KIRREL3: variants seen among roughly 807,000 people sequenced by gnomAD.
KIRREL3 encodes kirre like nephrin family adhesion molecule 3, also known as kin of IRRE-like protein 3.
A neutral mutation model predicts 89.7 loss-of-function variants in KIRREL3; 36 were observed. That is an observed-to-expected ratio of 0.40 (90% CI 0.31 to 0.53). The LOEUF is 0.53. Ranked by LOEUF, KIRREL3 falls within the 20% of genes least tolerant of loss-of-function variation. The pLI is 0.49. For synonymous variants in KIRREL3, 445 were observed against 441.4 expected, an observed-to-expected ratio of 1.01 and a Z score of -0.10; for missense variants, 864 against 1,056.6, an observed-to-expected ratio of 0.82 and a Z score of 2.53.
At chr11:126,698,580 A>G (rs1014323022) in intron 1 of KIRREL3, among the ~76,000 whole-genome samples, 1 of 152,220 alleles carries the variant, frequency 6.6e-6, no homozygotes, top group Non-Finnish European at 1.5e-5. Context: ...GCATCTGCTC[A>G]GGGCTATCCC....
chr11:126,929,591 C>T (rs1947855329), intron 1 of KIRREL3, among the ~76,000 whole-genome samples: 1 of 152,192 alleles, frequency 6.6e-6, no homozygotes, highest in African/African-American at 2.4e-5. Flanking sequence ...ACAGAGCCTC[C>T]TCAAGCCAGA....
intron 1 of KIRREL3, among the ~76,000 whole-genome samples, chr11:126,629,558 C>A (rs1046589501): frequency 6.6e-6 from 1 of 152,202 alleles, no homozygotes; most frequent in African/African-American, 2.4e-5. Context: ...ATGCCTTCCA[C>A]GTGCTCCTCC....
chr11:126,573,743 T>C (rs920184010), intron 1 of KIRREL3, among the ~76,000 whole-genome samples: 1 of 152,220 alleles, frequency 6.6e-6, no homozygotes, highest in Admixed American at 6.5e-5. Context: ...ATGGAGGCCC[T>C]AGCCCAATGT....
At position 126,931,673 on chromosome 11, in the gene KIRREL3, G is replaced by A. The variant is rs1431690211; in HGVS notation, c.55+68782C>T. ...CTAAATAATTTAAATATGGAATAGT[G>A]GCAGATACCCATATTCATTCTTCCT... On this transcript the variant is annotated intron_variant, in intron 1 of 16. Coordinates refer to ENST00000525144, the MANE Select transcript of KIRREL3 (RefSeq NM_032531.4). The surrounding 1 kb of genome is among the most constrained non-coding windows in gnomAD (Gnocchi z 5.1). 6.6e-6 allele frequency among the ~76,000 whole-genome samples: 1 copy of A among 152,178 alleles called. No homozygotes were observed. The highest frequency in any genetic ancestry group is 1.5e-5 in the Non-Finnish European group (1 of 68,040).
intron 3 of KIRREL3, among the ~76,000 whole-genome samples, chr11:126,524,045 C>T (rs912098986): frequency 1.3e-5 from 2 of 152,202 alleles, no homozygotes; most frequent in Non-Finnish European, 2.9e-5. Context: ...TCTCTTGCTA[C>T]TCCCAAAGGA....
chr11:126,925,873 G>A (rs531324494), intron 1 of KIRREL3, among the ~76,000 whole-genome samples: 1 of 152,308 alleles, frequency 6.6e-6, no homozygotes, highest in South Asian at 2.1e-4. Flanking sequence ...TCCTCTATCT[G>A]TGACAGTCAG....
intron 1 of KIRREL3, among the ~76,000 whole-genome samples, chr11:126,816,911 A>C (rs1032479793): frequency 6.6e-6 from 1 of 152,212 alleles, no homozygotes; most frequent in African/African-American, 2.4e-5. Context: ...CACTGCTTCT[A>C]ATCATAGACT....
At chr11:126,895,580 C>T (rs1419037881) in intron 1 of KIRREL3, among the ~76,000 whole-genome samples, 1 of 152,058 alleles carries the variant, frequency 6.6e-6, no homozygotes, top group South Asian at 2.1e-4. Flanking sequence ...CTTTGGGATT[C>T]TCCTGCCATC....
chr11:126,871,323 C>T (rs1945101169), intron 1 of KIRREL3, among the ~76,000 whole-genome samples: 1 of 152,134 alleles, frequency 6.6e-6, no homozygotes, highest in Non-Finnish European at 1.5e-5. Context: ...AAGAAGGAGG[C>T]CCTCAGCACA....
chr11:126,878,985 A>G (rs1866815368), intron 1 of KIRREL3, among the ~76,000 whole-genome samples: 1 of 152,206 alleles, frequency 6.6e-6, no homozygotes, highest in South Asian at 2.1e-4. Context: ...GTTAAATGCA[A>G]TATTAAAGAC....
At chr11:126,446,564 T>C (rs1955821635) in intron 9 of KIRREL3, among the ~76,000 whole-genome samples, 195 bp downstream of exon 9, 1 of 152,234 alleles carries the variant, frequency 6.6e-6, no homozygotes, top group African/African-American at 2.4e-5. Context: ...AATGGCTGAA[T>C]GTGCTCAGGG....
rs1591769636 is a variant in KIRREL3 at position 126,579,624 on chromosome 11, C to A, written c.56-16712G>T. 2.8e-5 allele frequency among the ~76,000 whole-genome samples: 1 copy of A among 35,412 alleles called. No homozygotes were observed. Among genetic ancestry groups the A allele is most frequent in the Admixed American group, 3.0e-4 (1 of 3,384 alleles). The allele number at this position is 35,412 out of a possible 152,430, so 23.2% of individuals were successfully genotyped here. A position where few individuals can be genotyped will look rare whatever the true frequency, so the allele number is the denominator to read the frequency against. Reference sequence around the variant, plus strand: ...GCAGGGTACAAAGGAGGCAAATGCACCACCTGTGGCCCTAGAGTGGGGAGC... The same window carrying A: ...GCAGGGTACAAAGGAGGCAAATGCAACACCTGTGGCCCTAGAGTGGGGAGC... On this transcript the variant is annotated intron_variant, in intron 1 of 16. Coordinates refer to ENST00000525144, the MANE Select transcript of KIRREL3 (RefSeq NM_032531.4). This position sits in a 1 kb window ranked among gnomAD's most constrained non-coding sequence, Gnocchi z 5.3.
At chr11:126,902,175 G>T in intron 1 of KIRREL3, among the ~76,000 whole-genome samples, 1 of 152,140 alleles carries the variant, frequency 6.6e-6, no homozygotes, top group Non-Finnish European at 1.5e-5. Context: ...CAGGGCTTTG[G>T]GGCTACTTGG....
chr11:126,770,618 C>T (rs924798272), intron 1 of KIRREL3, among the ~76,000 whole-genome samples: 1 of 152,128 alleles, frequency 6.6e-6, no homozygotes, highest in Non-Finnish European at 1.5e-5. Context: ...TTTTGAGTGA[C>T]CTGATATTTC....
In KIRREL3 at chr11:126,594,963, C is replaced by T. The variant is rs534266966; in HGVS notation, c.56-32051G>A. On this transcript the variant is annotated intron_variant, in intron 1 of 16. Transcript: ENST00000525144. The surrounding 1 kb of genome is among the most constrained non-coding windows in gnomAD (Gnocchi z 5.0). ...TCACTTTGCAGCTGCCCTGGGCCCTCGGACCCTCAGGGGCCTTCTGGGTTG... is the reference window on the plus strand; with the variant it reads ...TCACTTTGCAGCTGCCCTGGGCCCTTGGACCCTCAGGGGCCTTCTGGGTTG... Among the ~76,000 whole-genome samples the T allele has an allele frequency of 3.3e-5, 5 of 152,354 alleles. No homozygotes were observed. Among genetic ancestry groups the T allele is most frequent in the South Asian group, 4.1e-4 (2 of 4,830 alleles).
chr11:126,598,498 G>A (rs1464220402), intron 1 of KIRREL3, among the ~76,000 whole-genome samples: 1 of 152,120 alleles, frequency 6.6e-6, no homozygotes, highest in Admixed American at 6.5e-5. Context: ...CACCTCTTTT[G>A]TCCTTTCCTC....
chr11:126,808,263 T>C lies in KIRREL3; in HGVS notation c.55+192192A>G, dbSNP rs1387412828. ...AGTCATTAGCAAAAGAGAATACTTA[T>C]TTGAAAATTAAATGTCTTCACTTCT... On this transcript the variant is annotated intron_variant, in intron 1 of 16. Transcript: ENST00000525144. This position sits in a 1 kb window ranked among gnomAD's most constrained non-coding sequence, Gnocchi z 4.1. Among the ~76,000 whole-genome samples the C allele has an allele frequency of 1.3e-5, 2 of 152,320 alleles. No individual in the cohort carries two copies. The highest frequency in any genetic ancestry group is 3.9e-4 in the East Asian group (2 of 5,172).
intron 1 of KIRREL3, among the ~76,000 whole-genome samples, chr11:126,823,033 A>G (rs896379797): frequency 6.6e-6 from 1 of 152,152 alleles, no homozygotes; most frequent in African/African-American, 2.4e-5. Flanking sequence ...CTCATCTTTA[A>G]TACTCGCTGG....
chr11:126,448,442 C>A (rs754530515), intron 8 of KIRREL3, among the ~76,000 whole-genome samples: 13 of 152,174 alleles, frequency 8.5e-5, no homozygotes, highest in Admixed American at 2.6e-4. Flanking sequence ...ACCTCCATCT[C>A]CTCATTCAGA....
Sources: gnomAD v4.1 joint callset for allele counts (sites outside exome capture counted in the v4.1 genomes callset) on GRCh38, gnomAD v4.1.1 for gene constraint, Gnocchi (gnomAD v3.1) non-coding constraint, MANE v1.5 for transcripts, NCBI Gene and HGNC (gene_info 2026-07-23, HGNC 2026-07-21) for gene names.